ZFHX3: variants seen among roughly 807,000 people sequenced by gnomAD.
The protein encoded by ZFHX3 is zinc finger homeobox 3.
In ZFHX3, 42 loss-of-function variants were observed where a neutral mutation model predicts 279.1. The ratio of observed to expected loss-of-function variants is 0.15; its 90% CI spans 0.12 to 0.19. The LOEUF (loss-of-function observed/expected upper bound fraction) is 0.19, where lower values mean the gene tolerates loss of function less well. ZFHX3 is among the 10% of genes least tolerant of loss of function. The probability of loss-of-function intolerance (pLI) is 1.00; values close to 1 mark genes in which losing one functional copy is unlikely to be tolerated. For synonymous variants in ZFHX3, 2,293 were observed against 1,957.8 expected (o/e 1.17, Z -4.52); for missense variants, 4,981 against 4,754.0 (o/e 1.05, Z -1.40).
At chr16:72,856,921 A>C (rs2037767319) in intron 4 of ZFHX3, among the ~76,000 whole-genome samples, 1 of 152,236 alleles carries the variant, frequency 6.6e-6, no homozygotes, top group Non-Finnish European at 1.5e-5. Flanking sequence ...AAAAGTACAC[A>C]GACCTCAAAA....
intron 2 of ZFHX3, among the ~76,000 whole-genome samples, chr16:73,473,358 C>CAAAAAAAAAAAAAAAAAAAAAAAAAAA (rs1300049292): frequency 2.3e-5 from 1 of 43,164 alleles, no homozygotes; most frequent in Non-Finnish European, 4.9e-5. Flanking sequence ...AAAAAAAAAA[C>CAAAAAAAAAAAAAAAAAAAAAAAAAAA]AAAAAAAAAA....
chr16:73,451,362 CT>C (rs2018279643), intron 3 of ZFHX3, among the ~76,000 whole-genome samples: 2 of 152,206 alleles, frequency 1.3e-5, no homozygotes, highest in Non-Finnish European at 2.9e-5. Context: ...CTACTTGTTA[CT>C]TGAATTGAGG....
intron 2 of ZFHX3, among the ~76,000 whole-genome samples, chr16:73,557,530 C>G (rs981466991): frequency 1.3e-5 from 2 of 152,138 alleles, no homozygotes; most frequent in African/African-American, 4.8e-5. Context: ...ATATGCTAAA[C>G]AAGGGGTGGA....
intron 3 of ZFHX3, among the ~76,000 whole-genome samples, chr16:73,402,715 A>G (rs2017281467): frequency 6.6e-6 from 1 of 152,146 alleles, no homozygotes; most frequent in African/African-American, 2.4e-5. Context: ...ACCTTTTTTA[A>G]AGCAGGGACA....
intron 1 of ZFHX3, among the ~76,000 whole-genome samples, chr16:72,985,904 C>T (rs1312563740): frequency 6.6e-6 from 1 of 152,120 alleles, no homozygotes; most frequent in Admixed American, 6.5e-5. Context: ...GTGTAAGCCA[C>T]AATATTGATT....
intron 1 of ZFHX3, among the ~76,000 whole-genome samples, chr16:73,781,763 C>A (rs1039138009): frequency 1.5e-4 from 23 of 152,088 alleles, no homozygotes; most frequent in African/African-American, 5.5e-4. Flanking sequence ...CCAAGGTGGG[C>A]GAATCACGAG....
At chr16:73,390,953 G>A (rs2017000047) in intron 3 of ZFHX3, among the ~76,000 whole-genome samples, 1 of 151,644 alleles carries the variant, frequency 6.6e-6, no homozygotes, top group African/African-American at 2.4e-5. Flanking sequence ...TTAAAGGCCC[G>A]AGAATAGTGT....
intron 1 of ZFHX3, among the ~76,000 whole-genome samples, chr16:73,009,108 C>G (rs900150976): frequency 6.6e-6 from 1 of 152,098 alleles, no homozygotes; most frequent in Non-Finnish European, 1.5e-5. Flanking sequence ...TTGCCTGCTA[C>G]AGACCTTAAA....
intron 7 of ZFHX3, among the ~76,000 whole-genome samples, chr16:73,113,784 T>C (rs1478590720): frequency 7.1e-6 from 1 of 141,242 alleles, no homozygotes; most frequent in Admixed American, 7.6e-5. Flanking sequence ...CAAGACTCTT[T>C]TTTGGAAACT....
At chr16:73,774,327 G>C (rs1014088967) in intron 1 of ZFHX3, among the ~76,000 whole-genome samples, 1 of 152,164 alleles carries the variant, frequency 6.6e-6, no homozygotes, top group Non-Finnish European at 1.5e-5. Flanking sequence ...GTTGGTGAAT[G>C]AATGAAGGCT....
intron 2 of ZFHX3, among the ~76,000 whole-genome samples, chr16:73,670,089 A>G (rs2052887452): frequency 6.6e-6 from 1 of 152,200 alleles, no homozygotes; most frequent in South Asian, 2.1e-4. Context: ...CAGGGCATAA[A>G]TTGCTTACCA....
chr16:73,185,773 G>A (rs1186105719), intron 5 of ZFHX3, among the ~76,000 whole-genome samples: 2 of 152,096 alleles, frequency 1.3e-5, no homozygotes, highest in South Asian at 2.1e-4. Flanking sequence ...TTGTACACAT[G>A]GGCCCCCTAG....
chr16:73,237,984 T>C, intron 5 of ZFHX3, among the ~76,000 whole-genome samples: 1 of 152,250 alleles, frequency 6.6e-6, no homozygotes, highest in South Asian at 2.1e-4. Flanking sequence ...ATTCCTACTT[T>C]CCCATTAAAA....
intron 1 of ZFHX3, among the ~76,000 whole-genome samples, chr16:73,766,126 G>A (rs537327023): frequency 2.9e-4 from 44 of 152,230 alleles, no homozygotes; most frequent in Non-Finnish European, 5.4e-4. Flanking sequence ...AGTAAAATCC[G>A]TTACGGAAAA....
intron 2 of ZFHX3, among the ~76,000 whole-genome samples, chr16:73,549,690 A>G (rs780593992): frequency 1.3e-5 from 2 of 152,228 alleles, no homozygotes; most frequent in Non-Finnish European, 2.9e-5. Context: ...TCAAAATCCC[A>G]GTCCAAACAC....
chr16:73,659,307 G>A (rs2052755038), intron 2 of ZFHX3, among the ~76,000 whole-genome samples: 1 of 152,070 alleles, frequency 6.6e-6, no homozygotes, highest in Non-Finnish European at 1.5e-5. Context: ...GTCTGCTGGA[G>A]GACTCAGGGA....
intron 5 of ZFHX3, among the ~76,000 whole-genome samples, chr16:73,152,591 T>C (rs1306050315): frequency 2.7e-5 from 4 of 149,350 alleles, no homozygotes; most frequent in Middle Eastern, 3.2e-3. Context: ...AAACTTTGTA[T>C]ACAAACTAGG....
At chr16:72,970,997 T>C (rs1567612564) in intron 1 of ZFHX3, among the ~76,000 whole-genome samples, 1 of 152,240 alleles carries the variant, frequency 6.6e-6, no homozygotes. Flanking sequence ...TCACTGACAA[T>C]TCCACCAGCT....
At chr16:72,888,212 T>C (rs1295698544) in intron 4 of ZFHX3, among the ~76,000 whole-genome samples, 2 of 152,250 alleles carry the variant, frequency 1.3e-5, no homozygotes, top group East Asian at 3.9e-4. Context: ...AATATAAAAA[T>C]GTGTAATTTG....
Sources: gnomAD v4.1 joint callset for allele counts (sites outside exome capture counted in the v4.1 genomes callset) on GRCh38, gnomAD v4.1.1 for gene constraint, MANE v1.5 for transcripts, NCBI Gene and HGNC (gene_info 2026-07-23, HGNC 2026-07-21) for gene names.